ERG: variants seen among roughly 807,000 people sequenced by gnomAD.
The protein encoded by ERG is transcriptional regulator ERG.
ERG carries 9 observed loss-of-function variants against 55.3 expected under a neutral mutation model. The ratio of observed to expected loss-of-function variants is 0.16; its 90% CI spans 0.10 to 0.28. The LOEUF is 0.28. Ranked by LOEUF, ERG falls within the 10% of genes least tolerant of loss-of-function variation. The probability of loss-of-function intolerance (pLI) is 1.00; values close to 1 mark genes in which losing one functional copy is unlikely to be tolerated. For missense variants in ERG, 434 were observed against 631.6 expected (o/e 0.69, Z 3.35); for synonymous variants, 223 against 237.3 (o/e 0.94, Z 0.55).
intron 1 of ERG, among the ~76,000 whole-genome samples, chr21:38,485,361 C>A (rs2059273797): frequency 6.6e-6 from 1 of 150,754 alleles, no homozygotes; most frequent in Non-Finnish European, 1.5e-5. Flanking sequence ...ACAAAAGAGT[C>A]AAAAAGTTTA....
intron 2 of ERG, among the ~76,000 whole-genome samples, chr21:38,543,442 T>C (rs976851251): frequency 6.6e-6 from 1 of 151,938 alleles, no homozygotes; most frequent in African/African-American, 2.4e-5. Flanking sequence ...TATACACATA[T>C]CTTTATATTA....
chr21:38,424,614 C>T lies in ERG; in HGVS notation c.237-1053G>A, dbSNP rs114355487. On this transcript the variant is annotated intron_variant, in intron 2 of 9. Transcript: ENST00000288319. ...AGCAAACAGGCAGAGTAGACAGATG[C>T]TGTGGGGCGGCACCAGGGACACTCG... Among the ~76,000 whole-genome samples, 440 of 152,320 alleles carry T rather than the reference C, an allele frequency of 2.9e-3. 2 individuals carry two copies. Among genetic ancestry groups the T allele is most frequent in the African/African-American group, 0.01 (431 of 41,566 alleles).
chr21:38,598,524 T>C lies in ERG; in HGVS notation c.-149-13579A>G, dbSNP rs181410992. Among the ~76,000 whole-genome samples, 243 of 152,288 alleles carry C rather than the reference T, an allele frequency of 1.6e-3. 1 individual carries two copies. Among genetic ancestry groups the C allele is most frequent in the African/African-American group, 4.5e-3 (188 of 41,552 alleles). On this transcript the variant is annotated intron_variant, in intron 1 of 10. Transcript: ENST00000398910. ...GTATCACAAATGCCACATAAGTAACTGAGTGCAAAATGGGACATTTCCTGC... is the reference window on the plus strand; with the variant it reads ...GTATCACAAATGCCACATAAGTAACCGAGTGCAAAATGGGACATTTCCTGC...
At chr21:38,519,687 T>G (rs368268161) in intron 2 of ERG, among the ~76,000 whole-genome samples, 2 of 152,174 alleles carry the variant, frequency 1.3e-5, no homozygotes, top group Non-Finnish European at 2.9e-5. Context: ...AGTCGGCACA[T>G]CTACTGTCAT....
chr21:38,587,716 G>T (rs2060075137), upstream of ERG, among the ~76,000 whole-genome samples: 1 of 152,202 alleles, frequency 6.6e-6, no homozygotes, highest in Non-Finnish European at 1.5e-5. Context: ...ATTGACTATT[G>T]CTTGGTTAAC....
chr21:38,603,414 A>C (rs951158474), intron 1 of ERG, among the ~76,000 whole-genome samples: 1 of 151,856 alleles, frequency 6.6e-6, no homozygotes, highest in African/African-American at 2.4e-5. Flanking sequence ...AGGTCAAGAG[A>C]TCGAGACCAT....
chr21:38,454,041 T>C (rs2058965637), intron 1 of ERG, among the ~76,000 whole-genome samples: 1 of 152,208 alleles, frequency 6.6e-6, no homozygotes, highest in Non-Finnish European at 1.5e-5. Context: ...ACTATTCCTT[T>C]ACATCCTTCT....
At chr21:38,489,311 AGT>A (rs1367689295) in intron 1 of ERG, among the ~76,000 whole-genome samples, 3 of 152,238 alleles carry the variant, frequency 2.0e-5, no homozygotes, top group African/African-American at 7.2e-5. Flanking sequence ...GGCTTTCAAC[AGT>A]GAGTCCATGA....
At chr21:38,423,362 TG>T in intron 3 of ERG, 47 bp downstream of exon 3, 1 of 1,575,914 alleles carries the variant, frequency 6.3e-7, no homozygotes, top group Non-Finnish European at 8.7e-7. Context: ...AGCCTAGCCT[TG>T]GGGAAGTTGC....
At chr21:38,590,822 T>C (rs2060096195) in intron 1 of ERG, among the ~76,000 whole-genome samples, 2 of 152,212 alleles carry the variant, frequency 1.3e-5, no homozygotes, top group Non-Finnish European at 2.9e-5. Flanking sequence ...GACAGAGTTG[T>C]AAAGAAAAAA....
At chr21:38,512,439 C>A (rs1046941459) in intron 2 of ERG, among the ~76,000 whole-genome samples, 3 of 152,120 alleles carry the variant, frequency 2.0e-5, no homozygotes, top group Admixed American at 2.0e-4. Flanking sequence ...TCACAATAGA[C>A]AGTTATAAGT....
At chr21:38,519,476 C>G (rs1290230485) in intron 2 of ERG, among the ~76,000 whole-genome samples, 3 of 152,082 alleles carry the variant, frequency 2.0e-5, no homozygotes, top group Non-Finnish European at 4.4e-5. Context: ...CAACCCATGA[C>G]CAAAGAGAGA....
At chr21:38,629,047 A>T (rs2060341638) in intron 1 of ERG, among the ~76,000 whole-genome samples, 1 of 152,200 alleles carries the variant, frequency 6.6e-6, no homozygotes, top group Non-Finnish European at 1.5e-5. Context: ...TTTACAATTC[A>T]ATAGCAGAGT....
chr21:38,398,352 T>C (rs1278284363), intron 6 of ERG, among the ~76,000 whole-genome samples: 1 of 152,306 alleles, frequency 6.6e-6, no homozygotes, highest in Non-Finnish European at 1.5e-5. Flanking sequence ...GGGCCTACAG[T>C]AAATAGTCCT....
chr21:38,451,638 T>C (rs1018909363), intron 1 of ERG, among the ~76,000 whole-genome samples: 1 of 152,232 alleles, frequency 6.6e-6, no homozygotes, highest in South Asian at 2.1e-4. Context: ...ATGCAGTAGA[T>C]GCTTCTAAAA....
chr21:38,379,394 T>A (rs1448389791), downstream of ERG, among the ~76,000 whole-genome samples: 2 of 152,260 alleles, frequency 1.3e-5, no homozygotes, highest in African/African-American at 4.8e-5. Flanking sequence ...TTGTAACATC[T>A]CCAGATTGTT....
intron 1 of ERG, among the ~76,000 whole-genome samples, chr21:38,577,743 G>A (rs1443712781): frequency 1.3e-5 from 2 of 152,194 alleles, no homozygotes; most frequent in African/African-American, 4.8e-5. Context: ...CTCACAAAGG[G>A]AGGGCGTCCC....
chr21:38,511,870 G>T (rs150210907), intron 2 of ERG, among the ~76,000 whole-genome samples: 1 of 152,098 alleles, frequency 6.6e-6, no homozygotes, highest in African/African-American at 2.4e-5. Flanking sequence ...GTAACACCTC[G>T]CAGACTCCAA....
chr21:38,419,470 C>G (rs181338253), intron 3 of ERG, among the ~76,000 whole-genome samples: 15 of 152,268 alleles, frequency 9.9e-5, no homozygotes, highest in Admixed American at 2.6e-4. Context: ...TAACACCTAC[C>G]TTTTGCAATT....
Sources: allele counts gnomAD v4.1 joint callset (sites outside exome capture counted in the v4.1 genomes callset), GRCh38; gene constraint gnomAD v4.1.1; transcripts MANE v1.5; gene names NCBI Gene and HGNC (gene_info 2026-07-23, HGNC 2026-07-21).